MND1: variants seen among roughly 807,000 people sequenced by gnomAD.
The protein encoded by MND1 is meiotic nuclear division protein 1 homolog.
MND1 carries 28 observed loss-of-function variants against 35.1 expected under a neutral mutation model. That is an observed-to-expected ratio of 0.80 (90% CI 0.59 to 1.09). The LOEUF is 1.09. Among genes scored for constraint, MND1 ranks in the 50% least tolerant of loss-of-function variants. The pLI, the probability that MND1 is intolerant of heterozygous loss-of-function variation, is 0.00. For missense variants in MND1, 213 were observed against 239.6 expected (o/e 0.89, Z 0.73); for synonymous variants, 69 against 70.5 (o/e 0.98, Z 0.11).
chr4:153,361,827 G>C (rs117624569), intron 4 of MND1, among the ~76,000 whole-genome samples: 2,507 of 145,986 alleles, frequency 0.017, 41 homozygotes, highest in South Asian at 0.057. Context: ...AACAGAGCAA[G>C]ACTCAAAAAA....
chr4:153,383,704 G>T (rs1728771766), intron 4 of MND1, among the ~76,000 whole-genome samples: 1 of 152,094 alleles, frequency 6.6e-6, no homozygotes, highest in Non-Finnish European at 1.5e-5. Context: ...TTATTACAGA[G>T]GTAGCATGAA....
intron 2 of MND1, among the ~76,000 whole-genome samples, chr4:153,352,318 T>C (rs939379280): frequency 2.0e-5 from 3 of 152,150 alleles, no homozygotes; most frequent in Non-Finnish European, 4.4e-5. Context: ...TGTGTGGGTT[T>C]TGGAGCTGCT....
At chr4:153,379,425 G>T (rs1164636386) in intron 4 of MND1, among the ~76,000 whole-genome samples, 1 of 151,948 alleles carries the variant, frequency 6.6e-6, no homozygotes, top group South Asian at 2.1e-4. Flanking sequence ...ATTCTAAAAG[G>T]CCAGGAACAG....
chr4:153,365,594 GGATCTTTTTTTTTTTCTTTTTAAGAGAT>G (rs375874969), intron 4 of MND1, among the ~76,000 whole-genome samples: 72 of 152,068 alleles, frequency 4.7e-4, no homozygotes, highest in African/African-American at 1.7e-3. Flanking sequence ...AGAAAAGAGA[GGATCTTTTTTTTTTTCTTTTTAAGAGAT>G]GGGGTCTTGC....
At chr4:153,359,009 A>G (rs1478761690) in intron 4 of MND1, among the ~76,000 whole-genome samples, 1 of 152,180 alleles carries the variant, frequency 6.6e-6, no homozygotes, top group East Asian at 1.9e-4. Flanking sequence ...ATACTAGTGT[A>G]ATATGTTTGT....
chr4:153,413,611 G>T (rs1729748934), intron 7 of MND1, among the ~76,000 whole-genome samples: 1 of 151,782 alleles, frequency 6.6e-6, no homozygotes, highest in African/African-American at 2.4e-5. Flanking sequence ...CTAGAAGGTG[G>T]AGACTGCAGT....
intron 4 of MND1, among the ~76,000 whole-genome samples, chr4:153,369,801 T>A (rs1773746914): frequency 6.6e-6 from 1 of 152,122 alleles, no homozygotes; most frequent in Non-Finnish European, 1.5e-5. Context: ...TGATGCTGTT[T>A]GATAGCATTT....
chr4:153,411,812 G>T (rs892936741), intron 7 of MND1, among the ~76,000 whole-genome samples: 2 of 152,064 alleles, frequency 1.3e-5, no homozygotes, highest in African/African-American at 4.8e-5. Context: ...ATAAGACTTG[G>T]CCTTTTCTCT....
Position 153,370,614 on chromosome 4 carries a change from G to A in MND1, c.276+11992G>A, listed in dbSNP as rs150662902. ...AGCTCACTGCAACCTCCGCCTCCCGGGTTCAGGTGATTCTCTGGTCTCAGC... is the reference window on the plus strand; with the variant it reads ...AGCTCACTGCAACCTCCGCCTCCCGAGTTCAGGTGATTCTCTGGTCTCAGC... On this transcript the variant is annotated intron_variant, in intron 4 of 7. Transcript: ENST00000240488. Among the ~76,000 whole-genome samples, 3 of 152,126 alleles carry A rather than the reference G, an allele frequency of 2.0e-5. No homozygotes were observed. The East Asian group carries it at 5.8e-4, about 29-fold the overall frequency.
intron 4 of MND1, among the ~76,000 whole-genome samples, chr4:153,389,229 G>A (rs182111238): frequency 2.0e-5 from 3 of 152,214 alleles, no homozygotes; most frequent in East Asian, 3.9e-4. Flanking sequence ...GCTTGGAGGC[G>A]AGGTTTCACC....
At chr4:153,404,634 C>T (rs1443908363) in intron 6 of MND1, among the ~76,000 whole-genome samples, 1 of 151,632 alleles carries the variant, frequency 6.6e-6, no homozygotes, top group African/African-American at 2.4e-5. Context: ...ACCACCACGC[C>T]TGGCTAATTT....
In MND1 at chr4:153,395,663, A is replaced by T. The variant is rs146633128; in HGVS notation, c.351+1327A>T. On this transcript the variant is annotated intron_variant, in intron 5 of 7. Coordinates refer to ENST00000240488, the MANE Select transcript of MND1 (RefSeq NM_032117.4). ...TGTTCTAAATGGATTTTGTATATTT[A>T]TTGAATCCTACCAGCAGTCTATGGC... 1.5e-3 allele frequency among the ~76,000 whole-genome samples: 226 copies of T among 152,298 alleles called. 1 individual carries two copies. The highest frequency in any genetic ancestry group is 5.0e-3 in the African/African-American group (207 of 41,550).
intron 4 of MND1, among the ~76,000 whole-genome samples, chr4:153,390,265 C>T (rs1728983009): frequency 6.6e-6 from 1 of 152,130 alleles, no homozygotes; most frequent in Non-Finnish European, 1.5e-5. Context: ...TTAAGAACTA[C>T]GCAGTGAGCC....
In MND1 at chr4:153,379,868, A is replaced by C. The variant is rs1728622060; in HGVS notation, c.277-14394A>C. On this transcript the variant is annotated intron_variant, in intron 4 of 7. Transcript: ENST00000240488. ...CCATCTCAAAAAAAAAAAAAAAAAA[A>C]AAAAAAAATCAGGTGTTGTGGCGCA... Among the ~76,000 whole-genome samples, 5 of 150,668 alleles carry C rather than the reference A, an allele frequency of 3.3e-5. No homozygotes were observed. In the South Asian group the frequency reaches 6.3e-4, roughly 19 times the overall value.
intron 6 of MND1, among the ~76,000 whole-genome samples, chr4:153,406,513 A>G (rs1048219692): frequency 6.6e-6 from 1 of 152,076 alleles, no homozygotes; most frequent in Non-Finnish European, 1.5e-5. Flanking sequence ...CAGAGACTCC[A>G]TCACAAAAAG....
At chr4:153,394,152 TG>T in intron 4 of MND1, 109 bp from the exon 5 acceptor site, 3 of 841,812 alleles carry the variant, frequency 3.6e-6, no homozygotes, top group Non-Finnish European at 5.7e-6. Context: ...TGCCTCGGCC[TG>T]GGGCGAGTGC....
At chr4:153,397,811 C>T (rs1014134025) in intron 6 of MND1, among the ~76,000 whole-genome samples, 8 of 151,846 alleles carry the variant, frequency 5.3e-5, no homozygotes, top group Non-Finnish European at 8.8e-5. Flanking sequence ...CAGTAGAACT[C>T]TGTCTCAAAA....
chr4:153,414,955 G>T lies in MND1; in HGVS notation c.*98G>T, dbSNP rs1319485983. 2.2e-6 allele frequency: 1 copy of T among 453,874 alleles called. No individual in the cohort carries two copies. The highest frequency in any genetic ancestry group is 3.8e-6 in the Non-Finnish European group (1 of 263,234). The allele number at this position is 453,874 out of a possible 1,614,324, so 28.1% of individuals were successfully genotyped here. A position where few individuals can be genotyped will look rare whatever the true frequency, so the allele number is the denominator to read the frequency against. ...ACTGAATTGTCGTTTGCCTGTAACTGTGTTTATCATTTTATTAATGTTAAA... is the reference window on the plus strand; with the variant it reads ...ACTGAATTGTCGTTTGCCTGTAACTTTGTTTATCATTTTATTAATGTTAAA... On this transcript the variant is annotated 3_prime_UTR_variant, in exon 8 of 8. Transcript: ENST00000240488.
At chr4:153,411,850 T>G (rs546716003) in intron 7 of MND1, among the ~76,000 whole-genome samples, 53 of 152,312 alleles carry the variant, frequency 3.5e-4, no homozygotes, top group African/African-American at 1.3e-3. Context: ...TTGTAATTGT[T>G]TAGTAATAAA....
Sources: allele counts gnomAD v4.1 joint callset (sites outside exome capture counted in the v4.1 genomes callset), GRCh38; gene constraint gnomAD v4.1.1; transcripts MANE v1.5; gene names NCBI Gene and HGNC (gene_info 2026-07-23, HGNC 2026-07-21).